Variants in CWH43 observed in about 807,000 individuals in gnomAD.
The protein encoded by CWH43 is cell wall biogenesis 43 C-terminal homolog.
In CWH43, 91 loss-of-function variants were observed where a neutral mutation model predicts 85.7. The ratio of observed to expected loss-of-function variants is 1.06; its 90% CI spans 0.90 to 1.26. The LOEUF (loss-of-function observed/expected upper bound fraction) is 1.26. CWH43 is among the 50% of genes most tolerant of loss of function. The pLI is 0.00. For missense variants in CWH43, 869 were observed against 839.2 expected (o/e 1.04, Z -0.44); for synonymous variants, 323 against 293.6 (o/e 1.10, Z -1.02).
intron 14 of CWH43, among the ~76,000 whole-genome samples, chr4:49,047,410 T>A (rs1057287597): frequency 6.6e-6 from 1 of 152,084 alleles, no homozygotes; most frequent in Admixed American, 6.6e-5. Context: ...TGCAGGATGA[T>A]CTATTTTAGA....
chr4:49,012,005 T>C (rs1783378055), intron 8 of CWH43, among the ~76,000 whole-genome samples: 1 of 152,210 alleles, frequency 6.6e-6, no homozygotes, highest in East Asian at 1.9e-4. Context: ...ATTTCCTGAA[T>C]TTGAATGTTG....
At chr4:49,045,396 T>C (rs1408502521) in intron 14 of CWH43, among the ~76,000 whole-genome samples, 1 of 152,220 alleles carries the variant, frequency 6.6e-6, no homozygotes, top group Non-Finnish European at 1.5e-5. Context: ...GGATAATACA[T>C]ATTTGGATAC....
In CWH43 at chr4:49,007,304, G is replaced by T; in HGVS notation, c.1164G>T (p.Lys388Asn). ...ACAGTTCTAAAGTGCTTTTCAGAAA[G>T]AGTGAAAAATACATGAAACTTTGTA... The part of the protein sequence containing the change: ...TKNSSKVLFR[K>N]SEKYMKLFLW... The change falls in exon 8 of 16, where the codon AAG becomes AAT. Residue 388 changes from lysine to asparagine, a missense_variant. This residue lies in a region of CWH43 where 577 missense variants were observed against 513.1 expected (regional missense o/e 1.12). Coordinates refer to ENST00000226432, the MANE Select transcript of CWH43 (RefSeq NM_025087.3). The T allele has an allele frequency of 1.2e-6, 2 of 1,603,464 alleles. No individual in the cohort carries two copies. Among genetic ancestry groups the T allele is most frequent in the Non-Finnish European group, 8.5e-7 (1 of 1,176,120 alleles).
rs201034241 is a variant in CWH43 at position 48,986,393 on chromosome 4, A to T, written c.-37A>T. The T allele has an allele frequency of 6.5e-6, 10 of 1,545,936 alleles. No homozygotes were observed. The highest frequency in any genetic ancestry group is 8.7e-6 in the Non-Finnish European group (10 of 1,144,870). Reference sequence around the variant, plus strand: ...GGCTAGGGCAGCGGGCCCGACCCGCACGGCTTTCCTGGAAAGCGCTGCCCC... The same window carrying T: ...GGCTAGGGCAGCGGGCCCGACCCGCTCGGCTTTCCTGGAAAGCGCTGCCCC... On this transcript the variant is annotated 5_prime_UTR_variant, in exon 1 of 16. Coordinates refer to ENST00000226432, the MANE Select transcript of CWH43 (RefSeq NM_025087.3).
chr4:48,986,834 A>G, intron 1 of CWH43: 1 of 1,088,810 alleles, frequency 9.2e-7, no homozygotes, highest in Non-Finnish European at 1.1e-6. Context: ...TTAACTTAAT[A>G]CAGTTCAGTG....
chr4:49,016,434 C>T (rs1783548155), intron 8 of CWH43, among the ~76,000 whole-genome samples: 1 of 152,112 alleles, frequency 6.6e-6, no homozygotes, highest in Non-Finnish European at 1.5e-5. Context: ...CTCCTGCCTT[C>T]ACTGGGGCCT....
At position 49,028,551 on chromosome 4, in the gene CWH43, G is replaced by A; in HGVS notation, c.1267-78G>A. 2 of 848,116 alleles carry A rather than the reference G, an allele frequency of 2.4e-6. 1 individual carries two copies. Among genetic ancestry groups the A allele is most frequent in the South Asian group, 3.4e-5 (2 of 58,540 alleles). The allele number at this position is 848,116 out of a possible 1,614,324, so 52.5% of individuals were successfully genotyped here. On this transcript the variant is annotated intron_variant, in intron 9 of 15. Coordinates refer to ENST00000226432, the MANE Select transcript of CWH43 (RefSeq NM_025087.3). ...TTGCTGAAATAAGAAATTTGGTAGA[G>A]AGGAGTGGAGAAAAGTGGGTCACTG...
At chr4:48,991,343 T>C in intron 2 of CWH43, 111 bp from the exon 3 acceptor site, 2 of 1,092,438 alleles carry the variant, frequency 1.8e-6, no homozygotes, top group South Asian at 1.9e-5. Context: ...ATACATCAAC[T>C]CTGTCTTCCT....
intron 14 of CWH43, among the ~76,000 whole-genome samples, chr4:49,050,048 G>A (rs542134950): frequency 1.3e-5 from 2 of 152,166 alleles, no homozygotes; most frequent in South Asian, 2.1e-4. Flanking sequence ...ATACATATGT[G>A]CTTCATTGAA....
At chr4:49,060,961 G>T (rs183909202) in intron 15 of CWH43, among the ~76,000 whole-genome samples, 2 of 152,226 alleles carry the variant, frequency 1.3e-5, no homozygotes, top group Non-Finnish European at 2.9e-5. Flanking sequence ...CATCCAAATA[G>T]TATATTATGA....
chr4:49,048,804 A>G lies in CWH43; in HGVS notation c.1866-1890A>G, dbSNP rs568193830. Among the ~76,000 whole-genome samples the G allele has an allele frequency of 2.0e-5, 3 of 152,292 alleles. No homozygotes were observed. The East Asian group carries it at 5.8e-4, about 29-fold the overall frequency. ...TGGGGGTTAGAGCTTCAACAAATGA[A>G]TTTTGGGGGGAACACAAAATAGGAA... On this transcript the variant is annotated intron_variant, in intron 14 of 15. Coordinates refer to ENST00000226432, the MANE Select transcript of CWH43 (RefSeq NM_025087.3).
chr4:49,020,253 C>T (rs1437140741), intron 9 of CWH43, among the ~76,000 whole-genome samples: 5 of 152,072 alleles, frequency 3.3e-5, no homozygotes, highest in East Asian at 3.9e-4. Context: ...CTCCCACTTA[C>T]GTGCAAGAAT....
At chr4:48,998,383 G>C in intron 5 of CWH43, 77 bp from the exon 6 acceptor site, 1 of 1,107,556 alleles carries the variant, frequency 9.0e-7, no homozygotes, top group South Asian at 1.3e-5. Context: ...AGAGGTGGGA[G>C]GTATATTTCT....
chr4:49,008,239 T>G lies in CWH43; in HGVS notation c.1186+913T>G, dbSNP rs535419379. ...GATGCCCAGTGATGATGAGCATTTTTTCATGTGTATGTTGGCTGCATAAAT... is the reference window on the plus strand; with the variant it reads ...GATGCCCAGTGATGATGAGCATTTTGTCATGTGTATGTTGGCTGCATAAAT... On this transcript the variant is annotated intron_variant, in intron 8 of 15. Coordinates refer to ENST00000226432, the MANE Select transcript of CWH43 (RefSeq NM_025087.3). Among the ~76,000 whole-genome samples, 10 of 152,368 alleles carry G rather than the reference T, an allele frequency of 6.6e-5. No homozygotes were observed. In the East Asian group the frequency reaches 1.9e-3, roughly 29 times the overall value.
intron 6 of CWH43, among the ~76,000 whole-genome samples, chr4:49,000,633 A>G (rs1782961277): frequency 1.3e-5 from 2 of 152,240 alleles, no homozygotes; most frequent in African/African-American, 4.8e-5. Flanking sequence ...CACATAAAGT[A>G]TAAGCAAAGT....
At chr4:49,038,695 T>C (rs1303906594) in intron 13 of CWH43, among the ~76,000 whole-genome samples, 1 of 152,138 alleles carries the variant, frequency 6.6e-6, no homozygotes, top group South Asian at 2.1e-4. Flanking sequence ...AAACACAAGA[T>C]AAGAATACTA....
intron 9 of CWH43, among the ~76,000 whole-genome samples, chr4:49,023,055 A>C (rs1353567164): frequency 6.6e-6 from 1 of 151,246 alleles, no homozygotes; most frequent in South Asian, 2.1e-4. Context: ...TCTGATTTTT[A>C]TTATTTCTTT....
Position 48,986,336 on chromosome 4 carries a change from G to C in CWH43, c.-94G>C, listed in dbSNP as rs1782492706. On this transcript the variant is annotated 5_prime_UTR_variant, in exon 1 of 16. Coordinates refer to ENST00000226432, the MANE Select transcript of CWH43 (RefSeq NM_025087.3). ...ACGAGGGGCGCGGACGCAGGCCCGG[G>C]AGGACGCGGCGGCGGGAACCTGGGG... The C allele has an allele frequency of 4.8e-6, 6 of 1,248,852 alleles. No individual in the cohort carries two copies. Among genetic ancestry groups the C allele is most frequent in the Non-Finnish European group, 6.7e-6 (6 of 901,128 alleles). 77.4% of individuals were successfully genotyped at this position (1,248,852 alleles called of 1,614,324 possible).
chr4:49,027,841 C>G (rs983061087), intron 9 of CWH43, among the ~76,000 whole-genome samples: 5 of 152,052 alleles, frequency 3.3e-5, no homozygotes, highest in African/African-American at 1.2e-4. Context: ...TCCCCACTAC[C>G]CTAGTAGGTA....
Sources: gnomAD v4.1 joint callset for allele counts (sites outside exome capture counted in the v4.1 genomes callset) on GRCh38, gnomAD v4.1.1 for gene constraint, gnomAD v4.1.1 regional missense constraint, MANE v1.5 for transcripts, NCBI Gene and HGNC (gene_info 2026-07-23, HGNC 2026-07-21) for gene names.